Variants in CABIN1 observed in about 807,000 individuals in gnomAD.
CABIN1 encodes the protein calcineurin binding protein 1, also known as calcineurin-binding protein cabin-1.
CABIN1 carries 133 observed loss-of-function variants against 227.7 expected under a neutral mutation model. That is an observed-to-expected ratio of 0.58 (90% CI 0.51 to 0.67). CABIN1 has a LOEUF of 0.67. Among genes scored for constraint, CABIN1 ranks in the 30% least tolerant of loss-of-function variants. The probability of loss-of-function intolerance (pLI) is 0.00; values close to 1 mark genes in which losing one functional copy is unlikely to be tolerated. For missense variants in CABIN1, 2,408 were observed against 2,852.5 expected (o/e 0.84, Z 3.55); for synonymous variants, 1,086 against 1,155.1 (o/e 0.94, Z 1.21).
chr22:24,045,081 G>A (rs1369321795), intron 6 of CABIN1, among the ~76,000 whole-genome samples: 2 of 152,006 alleles, frequency 1.3e-5, no homozygotes, highest in African/African-American at 2.4e-5. Context: ...CACCAAGCCC[G>A]GCTAATTTTT....
intron 33 of CABIN1, 87 bp downstream of exon 33, chr22:24,168,608 A>G: frequency 1.9e-6 from 2 of 1,061,202 alleles, no homozygotes; most frequent in Non-Finnish European, 2.9e-6. Context: ...AAGCAGATCC[A>G]CTCTTGGGAC....
chr22:24,054,325 A>G (rs1044851083), intron 8 of CABIN1, among the ~76,000 whole-genome samples: 7 of 152,272 alleles, frequency 4.6e-5, no homozygotes, highest in South Asian at 2.1e-4. Flanking sequence ...CCATACCACA[A>G]CAAAACACAC....
At position 24,136,012 on chromosome 22, in the gene CABIN1, T is replaced by C. The variant is rs149515444; in HGVS notation, c.4746+1597T>C. On this transcript the variant is annotated intron_variant, in intron 29 of 36. Coordinates refer to ENST00000263119, the MANE Select transcript of CABIN1 (RefSeq NM_012295.4). Reference sequence around the variant, plus strand: ...ATTTTATAGACAAGTAGGGGTGTTATTGGTAATCAATCTACATGATACCAA... The same window carrying C: ...ATTTTATAGACAAGTAGGGGTGTTACTGGTAATCAATCTACATGATACCAA... Among the ~76,000 whole-genome samples, 14 of 152,262 alleles carry C rather than the reference T, an allele frequency of 9.2e-5. No individual in the cohort carries two copies. In the East Asian group the frequency reaches 1.9e-3, roughly 21 times the overall value.
intron 26 of CABIN1, among the ~76,000 whole-genome samples, chr22:24,107,616 C>A (rs1352622629): frequency 6.6e-6 from 1 of 152,220 alleles, no homozygotes; most frequent in African/African-American, 2.4e-5. Context: ...GAGGTCTGGC[C>A]ACCTTCACTG....
intron 26 of CABIN1, chr22:24,103,364 C>T (rs1438797966): frequency 6.6e-6 from 1 of 152,206 alleles, no homozygotes; most frequent in Non-Finnish European, 1.5e-5. Context: ...CTCTAACATA[C>T]CAAATTATCT....
chr22:24,024,882 C>T (rs2035973844), intron 1 of CABIN1, among the ~76,000 whole-genome samples: 1 of 152,072 alleles, frequency 6.6e-6, no homozygotes, highest in Non-Finnish European at 1.5e-5. Flanking sequence ...ATAATCTCAT[C>T]TTGTTCTTAC....
chr22:24,017,192 A>G (rs2035363941), intron 1 of CABIN1, among the ~76,000 whole-genome samples: 1 of 151,858 alleles, frequency 6.6e-6, no homozygotes, highest in East Asian at 1.9e-4. Context: ...GCGTGCCACC[A>G]TGCCCAGCCA....
intron 1 of CABIN1, among the ~76,000 whole-genome samples, chr22:24,019,344 C>G (rs1158187477): frequency 6.6e-6 from 1 of 151,018 alleles, no homozygotes; most frequent in African/African-American, 2.4e-5. Flanking sequence ...GTTGGTCAGG[C>G]TAGCCTCGAA....
chr22:24,090,385 G>C (rs2147194839), intron 23 of CABIN1, among the ~76,000 whole-genome samples: 1 of 152,294 alleles, frequency 6.6e-6, no homozygotes, highest in African/African-American at 2.4e-5. Context: ...TTTTACTTCA[G>C]CACATTTGCC....
At chr22:24,145,348 T>G (rs543825100) in intron 29 of CABIN1, among the ~76,000 whole-genome samples, 1 of 152,190 alleles carries the variant, frequency 6.6e-6, no homozygotes, top group Non-Finnish European at 1.5e-5. Flanking sequence ...TCCAAAGTGC[T>G]GTGTTTGGCA....
intron 28 of CABIN1, among the ~76,000 whole-genome samples, chr22:24,123,637 G>T (rs1602216492): frequency 6.6e-6 from 1 of 152,234 alleles, no homozygotes; most frequent in East Asian, 1.9e-4. Flanking sequence ...GCTCTGCCCA[G>T]ACCTGGGGTG....
At chr22:24,163,235 A>G (rs1336413554) in intron 29 of CABIN1, among the ~76,000 whole-genome samples, 1 of 152,152 alleles carries the variant, frequency 6.6e-6, no homozygotes, top group African/African-American at 2.4e-5. Context: ...TAGAGGCCAC[A>G]GGGTCTCAAG....
At chr22:24,017,576 C>T (rs1449337197) in intron 1 of CABIN1, among the ~76,000 whole-genome samples, 2 of 152,116 alleles carry the variant, frequency 1.3e-5, no homozygotes, top group African/African-American at 4.8e-5. Flanking sequence ...TGGAATCGTA[C>T]AATATTTGTC....
intron 26 of CABIN1, among the ~76,000 whole-genome samples, chr22:24,105,266 T>A (rs2042446026): frequency 1.3e-5 from 2 of 152,134 alleles, no homozygotes; most frequent in Non-Finnish European, 2.9e-5. Flanking sequence ...GTTCTGGAGC[T>A]TAGAGGGAGG....
intron 23 of CABIN1, among the ~76,000 whole-genome samples, chr22:24,089,762 C>T (rs768236682): frequency 1.3e-5 from 2 of 152,200 alleles, no homozygotes; most frequent in Non-Finnish European, 2.9e-5. Context: ...CAGCTTTTGC[C>T]CAGAAACTCC....
At chr22:24,173,992 T>G (rs974625519) in intron 34 of CABIN1, among the ~76,000 whole-genome samples, 8 of 151,868 alleles carry the variant, frequency 5.3e-5, no homozygotes, top group East Asian at 1.9e-4. Flanking sequence ...GTATGGGTTT[T>G]TTTTTTTTTT....
At chr22:24,164,588 G>A (rs1401128945) in intron 30 of CABIN1, 25 bp downstream of exon 30, 1 of 1,599,966 alleles carries the variant, frequency 6.3e-7, no homozygotes, top group Non-Finnish European at 8.5e-7. Context: ...CCTGGACACA[G>A]CCTGGCATGC....
chr22:24,099,701 C>T (rs1307134673), intron 26 of CABIN1, among the ~76,000 whole-genome samples: 1 of 152,222 alleles, frequency 6.6e-6, no homozygotes, highest in African/African-American at 2.4e-5. Context: ...CAGCTGCTTC[C>T]TGGGAGGAAG....
chr22:24,126,740 T>C (rs960045890), intron 28 of CABIN1, among the ~76,000 whole-genome samples: 4 of 152,222 alleles, frequency 2.6e-5, no homozygotes, highest in Non-Finnish European at 5.9e-5. Flanking sequence ...GGCTCCCGCC[T>C]GTAATCCCAG....
Sources: gnomAD v4.1 joint callset for allele counts (sites outside exome capture counted in the v4.1 genomes callset) on GRCh38, gnomAD v4.1.1 for gene constraint, MANE v1.5 for transcripts, NCBI Gene and HGNC (gene_info 2026-07-23, HGNC 2026-07-21) for gene names.